The following RBM46 variants were observed in gnomAD, a reference collection of about 807,000 sequenced individuals.
RBM46 encodes probable RNA-binding protein 46.
Under a neutral mutation model 43.3 loss-of-function variants are expected in RBM46, and 12 were observed. The observed-to-expected ratio is 0.28, with a 90% CI of 0.18 to 0.45. The LOEUF is 0.45. RBM46 is among the 20% of genes least tolerant of loss of function. RBM46 has a pLI of 1.00. For missense variants in RBM46, 412 were observed against 639.1 expected (o/e 0.64, Z 3.83); for synonymous variants, 205 against 207.6 (o/e 0.99, Z 0.11).
chr4:154,792,512 C>A (rs1379739759), intron 1 of RBM46, among the ~76,000 whole-genome samples: 1 of 152,142 alleles, frequency 6.6e-6, no homozygotes, highest in Non-Finnish European at 1.5e-5. Flanking sequence ...GCCAAGGGGT[C>A]TGCATGGTGC....
chr4:154,812,747 G>A, intron 4 of RBM46, among the ~76,000 whole-genome samples: 1 of 152,140 alleles, frequency 6.6e-6, no homozygotes, highest in Non-Finnish European at 1.5e-5. Flanking sequence ...TGTTCAGAAT[G>A]CTGTACTGTT....
intron 4 of RBM46, among the ~76,000 whole-genome samples, chr4:154,824,550 G>A (rs977991550): frequency 6.6e-6 from 1 of 152,082 alleles, no homozygotes; most frequent in Admixed American, 6.5e-5. Context: ...CAATGTGAAC[G>A]AATCTTAGAA....
At chr4:154,813,203 AAT>A (rs1203420944) in intron 4 of RBM46, among the ~76,000 whole-genome samples, 1 of 152,194 alleles carries the variant, frequency 6.6e-6, no homozygotes, top group African/African-American at 2.4e-5. Context: ...TTGGGAAAGA[AAT>A]ATATGAGATA....
rs771879035 is a variant in RBM46, at chr4:154,799,283, C to T, written c.1121C>T (p.Pro374Leu). 1.2e-6 allele frequency: 2 copies of T among 1,614,186 alleles called. No homozygotes were observed. The highest frequency in any genetic ancestry group is 1.7e-6 in the Non-Finnish European group (2 of 1,180,028). ...GAAAGATGCACTTACCCTTTTTATCCTGGAACAAAGCTTACTCCAATTAGT... is the reference window on the plus strand; with the variant it reads ...GAAAGATGCACTTACCCTTTTTATCTTGGAACAAAGCTTACTCCAATTAGT... Reference protein sequence around the residue: ...EVERCTYPFYPGTKLTPISMY... With the variant: ...EVERCTYPFYLGTKLTPISMY... The change falls in exon 4 of 5, where the codon CCT becomes CTT. Residue 374 changes from proline (P) to leucine (L), a missense_variant. Pro to Leu is a moderately conservative substitution (Grantham distance 98). This residue lies in a region of RBM46 where 105 missense variants were observed against 111.0 expected (regional missense o/e 0.95). Coordinates refer to ENST00000281722, the MANE Select transcript of RBM46 (RefSeq NM_144979.5).
At chr4:154,807,340 TC>T (rs1734955307) in intron 4 of RBM46, among the ~76,000 whole-genome samples, 1 of 151,770 alleles carries the variant, frequency 6.6e-6, no homozygotes, top group African/African-American at 2.4e-5. Context: ...GTCTTACCTT[TC>T]TTTTTTTTTT....
intron 4 of RBM46, chr4:154,827,518 A>T: frequency 9.7e-7 from 1 of 1,032,750 alleles, no homozygotes; most frequent in Non-Finnish European, 1.2e-6. Flanking sequence ...TTCTTCATGG[A>T]CTACCCCTTA....
intron 4 of RBM46, among the ~76,000 whole-genome samples, chr4:154,826,258 G>C (rs1007413118): frequency 6.6e-6 from 1 of 151,886 alleles, no homozygotes; most frequent in Non-Finnish European, 1.5e-5. Context: ...AGTAGTTCAA[G>C]ACCAGCCCGG....
intron 4 of RBM46, among the ~76,000 whole-genome samples, chr4:154,823,343 A>G (rs1735806182): frequency 6.6e-6 from 1 of 151,930 alleles, no homozygotes. Context: ...TGCTAGTTGT[A>G]CATGTGATAA....
chr4:154,811,961 A>G (rs1304311067), intron 4 of RBM46, among the ~76,000 whole-genome samples: 1 of 151,496 alleles, frequency 6.6e-6, no homozygotes, highest in African/African-American at 2.4e-5. Context: ...GATTACAGGC[A>G]TGAATGAGCA....
chr4:154,811,822 A>G (rs952996190), intron 4 of RBM46, among the ~76,000 whole-genome samples: 1 of 151,978 alleles, frequency 6.6e-6, no homozygotes, highest in African/African-American at 2.4e-5. Flanking sequence ...CTGGGATTAC[A>G]GGCATGTACT....
intron 4 of RBM46, among the ~76,000 whole-genome samples, chr4:154,804,071 C>T (rs1441084589): frequency 2.6e-5 from 4 of 152,194 alleles, no homozygotes; most frequent in Non-Finnish European, 4.4e-5. Flanking sequence ...GCTTCGCCCT[C>T]AGCCATGAAT....
At chr4:154,827,712 G>A (rs1285137582) in intron 4 of RBM46, 156 bp from the exon 5 acceptor site, 6 of 1,453,596 alleles carry the variant, frequency 4.1e-6, no homozygotes, top group Non-Finnish European at 5.4e-6. Flanking sequence ...TGCAGTGAAT[G>A]CTGAAATAAT....
At chr4:154,802,431 C>G (rs1282415863) in intron 4 of RBM46, among the ~76,000 whole-genome samples, 1 of 152,158 alleles carries the variant, frequency 6.6e-6, no homozygotes, top group Non-Finnish European at 1.5e-5. Context: ...TAGCAGTGTT[C>G]TGGATCACTT....
intron 4 of RBM46, among the ~76,000 whole-genome samples, chr4:154,808,666 A>AAGTTTC (rs1277136522): frequency 3.3e-5 from 5 of 152,020 alleles, no homozygotes; most frequent in Non-Finnish European, 1.5e-5. Context: ...TGGGGCACAG[A>AAGTTTC]AGTTATAAGG....
chr4:154,808,410 A>G (rs556542743), intron 4 of RBM46, among the ~76,000 whole-genome samples: 20 of 151,836 alleles, frequency 1.3e-4, no homozygotes, highest in South Asian at 2.1e-4. Context: ...CCTGTTTTGT[A>G]TATGGATTTT....
At chr4:154,784,632 T>G (rs1386540650) in intron 1 of RBM46, among the ~76,000 whole-genome samples, 2 of 152,172 alleles carry the variant, frequency 1.3e-5, no homozygotes, top group African/African-American at 4.8e-5. Context: ...AAAGCTAGAG[T>G]TAAATATGGC....
chr4:154,782,995 G>C (rs1002194423), intron 1 of RBM46, among the ~76,000 whole-genome samples: 12 of 152,166 alleles, frequency 7.9e-5, no homozygotes, highest in Non-Finnish European at 1.5e-4. Flanking sequence ...CTTCCATTTG[G>C]ATCTTTTCAG....
At chr4:154,819,426 A>G (rs1365513329) in intron 4 of RBM46, among the ~76,000 whole-genome samples, 6 of 152,164 alleles carry the variant, frequency 3.9e-5, no homozygotes, top group Admixed American at 3.9e-4. Context: ...CAAGCCTTCC[A>G]GAGGAAATGC....
chr4:154,785,809 T>A (rs939946582), intron 1 of RBM46, among the ~76,000 whole-genome samples: 2 of 152,134 alleles, frequency 1.3e-5, no homozygotes, highest in South Asian at 4.1e-4. Flanking sequence ...GGGCCCTTGG[T>A]CTTTTCGATT....
Sources: allele counts gnomAD v4.1 joint callset (sites outside exome capture counted in the v4.1 genomes callset), GRCh38; gene constraint gnomAD v4.1.1; regional missense constraint gnomAD v4.1.1; transcripts MANE v1.5; gene names NCBI Gene and HGNC (gene_info 2026-07-23, HGNC 2026-07-21).